The following DDOST variants were observed in gnomAD, a reference collection of about 807,000 sequenced individuals.
DDOST encodes dolichyl-diphosphooligosaccharide--protein glycosyltransferase non-catalytic subunit, also known as dolichyl-diphosphooligosaccharide--protein glycosyltransferase 48 kDa subunit.
In DDOST, 25 loss-of-function variants were observed where a neutral mutation model predicts 47.6. The ratio of observed to expected loss-of-function variants is 0.53; its 90% CI spans 0.38 to 0.73. The LOEUF is 0.73. Ranked by LOEUF, DDOST falls within the 30% of genes least tolerant of loss-of-function variation. The pLI is 0.00. For synonymous variants in DDOST, 275 were observed against 236.0 expected (o/e 1.17, Z -1.51); for missense variants, 526 against 573.9 (o/e 0.92, Z 0.85).
chr1:20,652,850 C>A lies in DDOST; in HGVS notation c.1063+1G>T, dbSNP rs1275882324. The A allele has an allele frequency of 1.2e-6, 2 of 1,614,206 alleles. No homozygotes were observed. The highest frequency in any genetic ancestry group is 1.7e-6 in the Non-Finnish European group (2 of 1,180,042). On this transcript the variant is annotated splice_donor_variant, in intron 9 of 10. Transcript: ENST00000602624. LOFTEE classifies it high-confidence loss of function. ...CATCCTCGTGCAGGAACTACACTCA[C>A]CTTTCTTCTTCAGGAAGGTCCTCAC...
chr1:20,654,133 T>TA (rs1245953951), intron 7 of DDOST, 90 bp downstream of exon 7: 15 of 1,444,866 alleles, frequency 1.0e-5, no homozygotes, highest in Non-Finnish European at 1.4e-5. Context: ...CACTTTTAGC[T>TA]AAAAGCCTCC....
chr1:20,654,505 C>G (rs192818646), intron 6 of DDOST, 109 bp downstream of exon 6: 1 of 1,370,048 alleles, frequency 7.3e-7, no homozygotes, highest in Non-Finnish European at 1.0e-6. Flanking sequence ...GAGACCACAC[C>G]GCTTCTGCCC....
Position 20,655,467 on chromosome 1 carries a change from AGAG to A in DDOST, c.521_523del (p.Ser174del). 6.2e-7 allele frequency: 1 copy of A among 1,613,902 alleles called. No homozygotes were observed. The highest frequency in any genetic ancestry group is 8.5e-7 in the Non-Finnish European group (1 of 1,179,838). ...AACACCTCGAAAGAGGATGGGATTT[AGAG>A]ATGATTTCCCAACGATGGTTGGGGC... is the stretch of plus-strand genomic sequence containing the variant. On this transcript the variant is annotated inframe_deletion, in exon 5 of 11. Transcript: ENST00000602624.
chr1:20,654,887 C>T (rs2053351393), intron 5 of DDOST, among the ~76,000 whole-genome samples, 180 bp from the exon 6 acceptor site: 2 of 152,106 alleles, frequency 1.3e-5, no homozygotes, highest in African/African-American at 4.8e-5. Flanking sequence ...TTCAGACAGA[C>T]CTCGCTCTGC....
At position 20,654,307 on chromosome 1, in the gene DDOST, C is replaced by T. The variant is rs774094300; in HGVS notation, c.710G>A (p.Arg237His). The T allele has an allele frequency of 1.6e-5, 25 of 1,554,560 alleles. No individual in the cohort carries two copies. Among genetic ancestry groups the T allele is most frequent in the East Asian group, 9.7e-5 (4 of 41,272 alleles). ...IAGLQARNNA[R>H]VIFSGSLDFF... ...GTCGAGGGAGCCGCTGAAGATGACG[C>T]GGGCATTGTTCCTGGCCTGGAGCCC... The change falls in exon 7 of 11, where the codon CGC (arginine) becomes CAC (histidine). Residue 237 changes from arginine (R) to histidine (H), a missense_variant. By Grantham distance (29) the Arg-to-His change is conservative (BLOSUM62 0). Transcript: ENST00000602624.
chr1:20,652,564 G>C (rs1190244558), intron 10 of DDOST, 36 bp from the exon 11 acceptor site: 9 of 1,614,024 alleles, frequency 5.6e-6, no homozygotes, highest in Non-Finnish European at 7.6e-6. Flanking sequence ...CCTGGCCACT[G>C]CAGAGCCCAG....
chr1:20,652,306 A>G lies in DDOST; in HGVS notation c.*73T>C. 1 of 1,439,230 alleles carries G rather than the reference A, an allele frequency of 6.9e-7. No homozygotes were observed. The allele number at this position is 1,439,230 out of a possible 1,614,324, so 89.2% of individuals were successfully genotyped here. A position where few individuals can be genotyped will look rare whatever the true frequency, so the allele number is the denominator to read the frequency against. On this transcript the variant is annotated 3_prime_UTR_variant, in exon 11 of 11. Coordinates refer to ENST00000602624, the MANE Select transcript of DDOST (RefSeq NM_005216.5). ...TTTTCCCACGGCTTTAAACAAAGCA[A>G]AACAAAACCACCAATCCTAATAACC...
chr1:20,658,077 GAA>G (rs1325598765), intron 2 of DDOST, among the ~76,000 whole-genome samples: 6 of 152,380 alleles, frequency 3.9e-5, no homozygotes, highest in Admixed American at 6.5e-5. Flanking sequence ...CACCTGTTGA[GAA>G]ACTCTTGTAA....
In DDOST at chr1:20,661,360, C is replaced by T; in HGVS notation, c.-10G>A. On this transcript the variant is annotated 5_prime_UTR_variant, in exon 1 of 11. Coordinates refer to ENST00000602624, the MANE Select transcript of DDOST (RefSeq NM_005216.5). ...CGGTGCTGGGCTCCATCTTCCTCCT[C>T]CTGCCGAAGGACCCAGCACGTGCAC... The T allele has an allele frequency of 6.2e-7, 1 of 1,612,916 alleles. No individual in the cohort carries two copies.
At chr1:20,654,532 A>C in intron 6 of DDOST, 82 bp downstream of exon 6, 2 of 1,403,944 alleles carry the variant, frequency 1.4e-6, no homozygotes, top group Non-Finnish European at 9.9e-7. Context: ...CACCCCACCA[A>C]CTAGTCATTT....
At chr1:20,656,693 T>C (rs2053378015) in intron 2 of DDOST, among the ~76,000 whole-genome samples, 1 of 152,218 alleles carries the variant, frequency 6.6e-6, no homozygotes, top group African/African-American at 2.4e-5. Context: ...TAATCCATTT[T>C]TCCCTATTAA....
intron 1 of DDOST, 33 bp from the exon 2 acceptor site, chr1:20,661,024 C>T (rs1434168409): frequency 2.6e-6 from 4 of 1,558,414 alleles, no homozygotes; most frequent in Non-Finnish European, 2.7e-6. Context: ...TTGAGGAAGA[C>T]GGGACGCGAA....
In DDOST at chr1:20,661,249, C is replaced by T; in HGVS notation, c.102G>A (p.Leu34=). The change falls in exon 1 of 11, where the codon CTG becomes CTA. Residue 34 remains leucine, a synonymous_variant. Transcript: ENST00000602624. The part of the protein sequence containing the change: ...CASGPRTLVL[L]DNLNVRETHS... ...GAGTCTCCCGCACGTTGAGGTTGTC[C>T]AGCAGCACTAAGGTGCGGGGTCCGC... 6.2e-7 allele frequency: 1 copy of T among 1,614,078 alleles called. No individual in the cohort carries two copies. Among genetic ancestry groups the T allele is most frequent in the South Asian group, 1.1e-5 (1 of 91,092 alleles).
rs761280123 is a variant in DDOST at position 20,652,430 on chromosome 1, G to C, written c.1269C>G (p.Phe423Leu). ...ASAFSMMLGL[F>L]IFSIVFLHMK... is the part of the protein sequence containing the mutation. ...TGTGCAAGAAGACGATGCTGAAGAT[G>C]AAGAGCCCCAGCATCATGGAGAAGG... The change falls in exon 11 of 11, where the codon TTC becomes TTG. Residue 423 changes from phenylalanine (F) to leucine (L), a missense_variant. Physicochemically the swap from Phe to Leu is conservative, Grantham distance 22 (BLOSUM62 0). Coordinates refer to ENST00000602624, the MANE Select transcript of DDOST (RefSeq NM_005216.5). 6.2e-7 allele frequency: 1 copy of C among 1,613,972 alleles called. No individual in the cohort carries two copies. The highest frequency in any genetic ancestry group is 8.5e-7 in the Non-Finnish European group (1 of 1,179,994).
intron 1 of DDOST, 84 bp from the exon 2 acceptor site, chr1:20,661,075 G>A: frequency 2.7e-6 from 4 of 1,479,968 alleles, no homozygotes; most frequent in Non-Finnish European, 3.7e-6. Context: ...CGCACGCCAA[G>A]CGGCAGGCCA....
At chr1:20,653,088 C>G (rs1289854527) in intron 8 of DDOST, 117 bp from the exon 9 acceptor site, 61 of 1,322,188 alleles carry the variant, frequency 4.6e-5, no homozygotes, top group African/African-American at 5.8e-5. Flanking sequence ...CCCAGGAGTT[C>G]AGAAGACCTG....
Position 20,661,358 on chromosome 1 carries a change from C to T in DDOST, c.-8G>A. On this transcript the variant is annotated 5_prime_UTR_variant, in exon 1 of 11. Transcript: ENST00000602624. ...CGCGGTGCTGGGCTCCATCTTCCTC[C>T]TCCTGCCGAAGGACCCAGCACGTGC... The T allele has an allele frequency of 1.2e-6, 2 of 1,612,894 alleles. No individual in the cohort carries two copies. The highest frequency in any genetic ancestry group is 1.7e-6 in the Non-Finnish European group (2 of 1,179,794).
At chr1:20,657,840 C>G (rs1354643455) in intron 2 of DDOST, among the ~76,000 whole-genome samples, 2 of 152,220 alleles carry the variant, frequency 1.3e-5, no homozygotes, top group African/African-American at 4.8e-5. Context: ...TTTGGAGAGG[C>G]CAGGCAGTCT....
rs199859745 is a variant in DDOST at position 20,655,733 on chromosome 1, G to T, written c.399C>A (p.Asp133Glu). The change falls in exon 4 of 11, where the codon GAC becomes GAA. Residue 133 changes from aspartate (D) to glutamate (E), a missense_variant. Asp to Glu is a conservative substitution (Grantham distance 45, BLOSUM62 2). Transcript: ENST00000602624. ...GGTCAATGACAGCCGTTTTCTCCTC[G>T]TCAAACTCAATCCCGCACTCACTGC... The part of the protein sequence containing the change: ...ELGSECGIEF[D>E]EEKTAVIDHH... 1 of 1,614,106 alleles carries T rather than the reference G, an allele frequency of 6.2e-7. No homozygotes were observed. Among genetic ancestry groups the T allele is most frequent in the Admixed American group, 1.7e-5 (1 of 60,018 alleles).
Sources: allele counts gnomAD v4.1 joint callset (sites outside exome capture counted in the v4.1 genomes callset), GRCh38; gene constraint gnomAD v4.1.1; transcripts MANE v1.5; gene names NCBI Gene and HGNC (gene_info 2026-07-23, HGNC 2026-07-21).